The following PRELID2 variants were observed in gnomAD, a reference collection of about 807,000 sequenced individuals.
The protein encoded by PRELID2 is PRELI domain containing 2.
A neutral mutation model predicts 28.4 loss-of-function variants in PRELID2; 25 were observed. The ratio of observed to expected loss-of-function variants is 0.88; its 90% CI spans 0.64 to 1.23. The LOEUF (loss-of-function observed/expected upper bound fraction) is 1.23. PRELID2 is among the 50% of genes most tolerant of loss of function. PRELID2 has a pLI of 0.00. For synonymous variants in PRELID2, 76 were observed against 71.6 expected (o/e 1.06, Z -0.31); for missense variants, 201 against 214.4 (o/e 0.94, Z 0.39).
intron 1 of PRELID2, among the ~76,000 whole-genome samples, chr5:145,509,145 G>A (rs1463760602): frequency 6.6e-6 from 1 of 152,174 alleles, no homozygotes; most frequent in African/African-American, 2.4e-5. Context: ...AAAATTGGCT[G>A]TGAACATCCG....
At chr5:145,339,576 A>C in the PRELID2 span, among the ~76,000 whole-genome samples, 2 of 152,162 alleles carry the variant, frequency 1.3e-5, no homozygotes. Context: ...TAGTCTACAA[A>C]TATATGTCTC....
At chr5:145,234,656 TA>T in the PRELID2 span, among the ~76,000 whole-genome samples, 22 of 152,310 alleles carry the variant, frequency 1.4e-4, no homozygotes, top group African/African-American at 5.1e-4. Flanking sequence ...GCAACTGCAG[TA>T]AGAATTCATT....
At chr5:145,304,175 G>A in the PRELID2 span, among the ~76,000 whole-genome samples, 337 of 152,184 alleles carry the variant, frequency 2.2e-3, 2 homozygotes, top group African/African-American at 7.8e-3. Flanking sequence ...GATAATATAT[G>A]TATTAAACAC....
chr5:145,355,451 C>A, the PRELID2 span, among the ~76,000 whole-genome samples: 1 of 152,118 alleles, frequency 6.6e-6, no homozygotes, highest in Admixed American at 6.6e-5. Flanking sequence ...TATTTCCTCT[C>A]ATAATAAGAT....
At chr5:145,274,889 C>G in the PRELID2 span, among the ~76,000 whole-genome samples, 1 of 152,110 alleles carries the variant, frequency 6.6e-6, no homozygotes, top group Non-Finnish European at 1.5e-5. Context: ...TCTCACAGTT[C>G]TGGAAGCTAG....
intron 1 of PRELID2, among the ~76,000 whole-genome samples, chr5:145,677,055 C>T (rs963365458): frequency 1.0e-4 from 15 of 150,350 alleles, no homozygotes; most frequent in Admixed American, 5.3e-4. Flanking sequence ...AATTTTAACA[C>T]GGTGTAATAT....
intron 1 of PRELID2, among the ~76,000 whole-genome samples, chr5:145,486,767 T>C (rs964306780): frequency 3.9e-5 from 6 of 152,160 alleles, no homozygotes; most frequent in Non-Finnish European, 8.8e-5. Flanking sequence ...AAGTATATCA[T>C]GCTGCTATAA....
chr5:145,653,092 G>T (rs1754327527), intron 1 of PRELID2, among the ~76,000 whole-genome samples: 2 of 152,088 alleles, frequency 1.3e-5, no homozygotes, highest in East Asian at 3.8e-4. Context: ...AAAGGCAGGG[G>T]TTGCAATCCT....
At chr5:145,576,940 A>G (rs1753065617) in intron 1 of PRELID2, among the ~76,000 whole-genome samples, 1 of 152,172 alleles carries the variant, frequency 6.6e-6, no homozygotes, top group Admixed American at 6.6e-5. Flanking sequence ...ATGTAAAATT[A>G]TATCCATGCC....
intron 1 of PRELID2, among the ~76,000 whole-genome samples, chr5:145,697,056 T>TAC (rs1755289730): frequency 8.4e-6 from 1 of 119,378 alleles, no homozygotes; most frequent in African/African-American, 4.0e-5. Context: ...TATATATATA[T>TAC]ATATATATAT....
chr5:145,233,748 AC>A, the PRELID2 span, among the ~76,000 whole-genome samples: 1 of 152,092 alleles, frequency 6.6e-6, no homozygotes, highest in Non-Finnish European at 1.5e-5. Context: ...ACCTAGTATC[AC>A]CCCCTACTGA....
At chr5:145,423,448 T>C in the PRELID2 span, among the ~76,000 whole-genome samples, 2 of 152,194 alleles carry the variant, frequency 1.3e-5, no homozygotes, top group Admixed American at 6.5e-5. Flanking sequence ...TTTATTCTTT[T>C]TTCTCTGGAC....
downstream of PRELID2, among the ~76,000 whole-genome samples, chr5:145,755,959 G>A (rs757782520): frequency 1.7e-4 from 26 of 152,212 alleles, no homozygotes; most frequent in Non-Finnish European, 2.8e-4. Flanking sequence ...GGATAAATAC[G>A]AAACAGAAAC....
intron 1 of PRELID2, among the ~76,000 whole-genome samples, chr5:145,620,730 G>A (rs73311575): frequency 0.036 from 4,711 of 131,154 alleles, 220 homozygotes; most frequent in African/African-American, 0.13. Flanking sequence ...TCCCAGCTAC[G>A]TGGGTGGCTA....
intron 1 of PRELID2, 138 bp downstream of exon 1, chr5:145,835,039 G>C: frequency 3.4e-6 from 2 of 595,008 alleles, no homozygotes; most frequent in South Asian, 2.2e-5. Flanking sequence ...AATCCCTCTC[G>C]ACCCACACAT....
intron 1 of PRELID2, among the ~76,000 whole-genome samples, chr5:145,654,449 A>G (rs1268653099): frequency 6.6e-6 from 1 of 152,218 alleles, no homozygotes; most frequent in Non-Finnish European, 1.5e-5. Context: ...CAACAAAAAA[A>G]GAGAATTTTA....
chr5:145,676,137 T>C (rs1214341735), intron 1 of PRELID2, among the ~76,000 whole-genome samples: 1 of 151,056 alleles, frequency 6.6e-6, no homozygotes, highest in Non-Finnish European at 1.5e-5. Context: ...GGAGAATCGC[T>C]TGAACTTGGG....
At chr5:145,592,591 G>A (rs916338597) in intron 1 of PRELID2, among the ~76,000 whole-genome samples, 1 of 152,032 alleles carries the variant, frequency 6.6e-6, no homozygotes, top group African/African-American at 2.4e-5. Flanking sequence ...GGAAACAAAT[G>A]TATTTACATC....
chr5:145,314,721 C>T, the PRELID2 span, among the ~76,000 whole-genome samples: 19 of 151,918 alleles, frequency 1.3e-4, no homozygotes, highest in African/African-American at 4.6e-4. Flanking sequence ...GTTGCCAGGT[C>T]ATCCCTGGGC....
Sources: gnomAD v4.1 joint callset for allele counts (sites outside exome capture counted in the v4.1 genomes callset) on GRCh38, gnomAD v4.1.1 for gene constraint, MANE v1.5 for transcripts, NCBI Gene and HGNC (gene_info 2026-07-23, HGNC 2026-07-21) for gene names.